Variants in DDX42 observed in about 807,000 individuals in gnomAD.
DDX42 encodes the protein DEAD-box helicase 42, also known as ATP-dependent RNA helicase DDX42.
Under a neutral mutation model 101.5 loss-of-function variants are expected in DDX42, and 22 were observed. The observed-to-expected ratio is 0.22, with a 90% CI of 0.15 to 0.31. The LOEUF (loss-of-function observed/expected upper bound fraction) is 0.31. DDX42 is among the 10% of genes least tolerant of loss of function. The pLI, the probability that DDX42 is intolerant of heterozygous loss-of-function variation, is 1.00. For synonymous variants in DDX42, 402 were observed against 401.2 expected, an observed-to-expected ratio of 1.00 and a Z score of -0.02; for missense variants, 849 against 1,199.9, an observed-to-expected ratio of 0.71 and a Z score of 4.32.
chr17:63,789,007 G>A (rs2039585818), intron 2 of DDX42, among the ~76,000 whole-genome samples: 1 of 151,870 alleles, frequency 6.6e-6, no homozygotes, highest in Non-Finnish European at 1.5e-5. Context: ...CAGTTAAGCA[G>A]TTCTCCCACC....
chr17:63,814,969 G>T (rs529935710), intron 15 of DDX42, among the ~76,000 whole-genome samples: 1 of 152,304 alleles, frequency 6.6e-6, no homozygotes, highest in African/African-American at 2.4e-5. Flanking sequence ...ATTCATAGGC[G>T]TGAGCCACCG....
intron 10 of DDX42, 116 bp downstream of exon 10, chr17:63,809,064 A>T: frequency 7.1e-7 from 1 of 1,402,916 alleles, no homozygotes; most frequent in East Asian, 2.4e-5. Context: ...AAATATACTG[A>T]TGAACGGCAG....
chr17:63,812,098 G>A lies in DDX42; in HGVS notation c.1565G>A (p.Gly522Asp), dbSNP rs1385896305. 1 of 1,614,134 alleles carries A rather than the reference G, an allele frequency of 6.2e-7. No homozygotes were observed. The highest frequency in any genetic ancestry group is 1.3e-5 in the African/African-American group (1 of 74,944). ...CTAGCGAATAACCTTAAACAGGAGG[G>A]TCATAATCTTGGGCTGCTCCATGGG... is the stretch of plus-strand genomic sequence containing the variant. ...EELANNLKQE[G>D]HNLGLLHGDM... The change falls in exon 14 of 18, where the codon GGT becomes GAT. Residue 522 changes from glycine (G) to aspartate (D), a missense_variant. This residue lies in a region of DDX42 where 370 missense variants were observed against 608.8 expected (regional missense o/e 0.61). Coordinates refer to ENST00000389924, the MANE Select transcript of DDX42 (RefSeq NM_203499.3).
intron 3 of DDX42, among the ~76,000 whole-genome samples, chr17:63,795,003 A>G (rs1249932693): frequency 6.6e-6 from 1 of 151,888 alleles, no homozygotes; most frequent in Non-Finnish European, 1.5e-5. Flanking sequence ...CGGATTCCTT[A>G]GTTACTTGTC....
intron 6 of DDX42, among the ~76,000 whole-genome samples, chr17:63,802,330 G>A (rs368237225): frequency 6.6e-6 from 1 of 152,138 alleles, no homozygotes; most frequent in Admixed American, 6.5e-5. Context: ...ACCAAAATAT[G>A]ATAGCCATTT....
intron 1 of DDX42, among the ~76,000 whole-genome samples, chr17:63,779,645 C>G (rs1442767703): frequency 6.6e-6 from 1 of 152,144 alleles, no homozygotes; most frequent in Non-Finnish European, 1.5e-5. Context: ...AATTCTGTAC[C>G]CATTAAACAA....
In DDX42 at chr17:63,808,867, A is replaced by G; in HGVS notation, c.1071A>G (p.Ser357=). 6.2e-7 allele frequency: 1 copy of G among 1,614,122 alleles called. No individual in the cohort carries two copies. Among genetic ancestry groups the G allele is most frequent in the Non-Finnish European group, 8.5e-7 (1 of 1,179,978 alleles). ...KRFGKAYNLR[S]VAVYGGGSMW... is the part of the protein sequence containing the mutation. ...TTGGAAAAGCATATAATCTTCGATC[A>G]GTGGCCGTATATGGAGGAGGGAGTA... The change falls in exon 10 of 18, where the codon TCA becomes TCG. Residue 357 remains serine, a synonymous_variant. Transcript: ENST00000389924.
intron 6 of DDX42, among the ~76,000 whole-genome samples, chr17:63,802,397 A>T (rs953384016): frequency 6.6e-6 from 1 of 152,200 alleles, no homozygotes; most frequent in Non-Finnish European, 1.5e-5. Flanking sequence ...TTTTTTTCAT[A>T]GAACACCACT....
At chr17:63,803,540 C>T (rs2039799229) in intron 6 of DDX42, among the ~76,000 whole-genome samples, 1 of 140,418 alleles carries the variant, frequency 7.1e-6, no homozygotes, top group African/African-American at 2.7e-5. Context: ...TGCACTCCAG[C>T]CTGGGAGACA....
At chr17:63,807,591 A>G (rs1197871104) in intron 8 of DDX42, 133 bp from the exon 9 acceptor site, 7 of 716,108 alleles carry the variant, frequency 9.8e-6, no homozygotes, top group Non-Finnish European at 1.6e-5. Context: ...CACAACCAGT[A>G]TGCATAGCAC....
chr17:63,783,812 C>T (rs1344088115), intron 1 of DDX42, among the ~76,000 whole-genome samples: 1 of 152,006 alleles, frequency 6.6e-6, no homozygotes, highest in East Asian at 1.9e-4. Flanking sequence ...CCTGTAATCC[C>T]AGCACTTCGG....
At chr17:63,792,601 A>G in intron 3 of DDX42, 39 bp downstream of exon 3, 3 of 1,573,248 alleles carry the variant, frequency 1.9e-6, no homozygotes, top group Non-Finnish European at 2.6e-6. Flanking sequence ...TTTAGCAGTT[A>G]GAAATAGATC....
At chr17:63,788,517 A>C (rs2039578520) in intron 2 of DDX42, among the ~76,000 whole-genome samples, 1 of 151,272 alleles carries the variant, frequency 6.6e-6, no homozygotes, top group African/African-American at 2.5e-5. Flanking sequence ...CGTGTTAGCC[A>C]CAATGGTCTC....
chr17:63,804,201 T>G (rs747088989), intron 6 of DDX42, among the ~76,000 whole-genome samples: 1 of 151,936 alleles, frequency 6.6e-6, no homozygotes, highest in Non-Finnish European at 1.5e-5. Flanking sequence ...TCCCAGCTAC[T>G]GGAGAGGCTG....
chr17:63,774,024 C>T (rs940758408), upstream of DDX42: 1 of 216,028 alleles, frequency 4.6e-6, no homozygotes, highest in Non-Finnish European at 9.1e-6. Flanking sequence ...GTCATGAACA[C>T]TGTCCACCCA....
intron 1 of DDX42, among the ~76,000 whole-genome samples, chr17:63,778,077 A>G (rs2039442138): frequency 6.6e-6 from 1 of 151,916 alleles, no homozygotes; most frequent in East Asian, 1.9e-4. Context: ...AGAACCTGGA[A>G]AGGGTTTTCG....
At position 63,818,244 on chromosome 17, in the gene DDX42, A is replaced by C. The variant is rs200701706; in HGVS notation, c.2663A>C (p.Glu888Ala). Residue 888 changes from glutamate to alanine, a missense_variant, in exon 18 of 18, where the codon GAA becomes GCA. This residue lies in a region of DDX42 where 300 missense variants were observed against 304.9 expected (regional missense o/e 0.98). Transcript: ENST00000389924. ...NDGRNGESRK[E>A]AFNRESKMEP... is the part of the protein sequence containing the mutation. ...GGTCGGAATGGGGAAAGCAGGAAAG[A>C]AGCTTTTAATCGTGAGAGCAAGATG... is the stretch of plus-strand genomic sequence containing the variant. 2.0e-4 allele frequency: 316 copies of C among 1,614,018 alleles called. No homozygotes were observed. The highest frequency in any genetic ancestry group is 2.4e-4 in the Non-Finnish European group (280 of 1,180,038).
intron 13 of DDX42, 61 bp from the exon 14 acceptor site, chr17:63,811,871 C>T: frequency 1.2e-6 from 2 of 1,609,294 alleles, no homozygotes; most frequent in Non-Finnish European, 1.7e-6. Context: ...ATGCCTAGTC[C>T]TTGTTCAGGT....
At chr17:63,790,737 G>A (rs538194203) in intron 2 of DDX42, among the ~76,000 whole-genome samples, 30 of 152,278 alleles carry the variant, frequency 2.0e-4, no homozygotes, top group Middle Eastern at 6.8e-3. Flanking sequence ...TCCAGCCTGG[G>A]CGACAGAGCA....
Sources: gnomAD v4.1 joint callset for allele counts (sites outside exome capture counted in the v4.1 genomes callset) on GRCh38, gnomAD v4.1.1 for gene constraint, gnomAD v4.1.1 regional missense constraint, MANE v1.5 for transcripts, NCBI Gene and HGNC (gene_info 2026-07-23, HGNC 2026-07-21) for gene names.